FRAS1: variants seen among roughly 807,000 people sequenced by gnomAD.
The protein encoded by FRAS1 is extracellular matrix organizing protein FRAS1.
Under a neutral mutation model 435.2 loss-of-function variants are expected in FRAS1, and 290 were observed. The ratio of observed to expected loss-of-function variants is 0.67; its 90% CI spans 0.61 to 0.73. The LOEUF is 0.73. Among genes scored for constraint, FRAS1 ranks in the 30% least tolerant of loss-of-function variants. The probability of loss-of-function intolerance (pLI) is 0.00; values close to 1 mark genes in which losing one functional copy is unlikely to be tolerated. For synonymous variants in FRAS1, 1,800 were observed against 1,851.0 expected, an observed-to-expected ratio of 0.97 and a Z score of 0.71; for missense variants, 4,860 against 5,001.5, an observed-to-expected ratio of 0.97 and a Z score of 0.85.
chr4:78,118,824 T>C (rs948816996), intron 2 of FRAS1, among the ~76,000 whole-genome samples: 17 of 152,228 alleles, frequency 1.1e-4, no homozygotes, highest in African/African-American at 3.6e-4. Context: ...GCACTCACTG[T>C]CCTGCACCCA....
intron 54 of FRAS1, among the ~76,000 whole-genome samples, chr4:78,475,894 G>C (rs1401449737): frequency 6.6e-6 from 1 of 152,108 alleles, no homozygotes; most frequent in Admixed American, 6.6e-5. Context: ...TCTATATTCA[G>C]CTTTGGTATC....
chr4:78,100,790 C>T (rs1254049776), intron 2 of FRAS1, among the ~76,000 whole-genome samples: 4 of 152,076 alleles, frequency 2.6e-5, no homozygotes, highest in Admixed American at 2.6e-4. Context: ...TTACAAACAT[C>T]TTTGAGGTAT....
chr4:78,127,743 T>G (rs1719446949), intron 2 of FRAS1, among the ~76,000 whole-genome samples: 1 of 152,030 alleles, frequency 6.6e-6, no homozygotes, highest in Non-Finnish European at 1.5e-5. Flanking sequence ...TATTTATTTA[T>G]TTTTTTAATT....
At chr4:78,339,086 A>T (rs1387594182) in intron 20 of FRAS1, among the ~76,000 whole-genome samples, 1 of 152,120 alleles carries the variant, frequency 6.6e-6, no homozygotes, top group Non-Finnish European at 1.5e-5. Context: ...CAGCTGTAGG[A>T]TGTGAGTCTA....
In FRAS1 at chr4:78,377,570, A is replaced by G. The variant is rs116598257; in HGVS notation, c.3292+1691A>G. 5.0e-3 allele frequency among the ~76,000 whole-genome samples: 761 copies of G among 152,342 alleles called. 5 individuals carry two copies. The highest frequency in any genetic ancestry group is 0.018 in the African/African-American group (746 of 41,580). On this transcript the variant is annotated intron_variant, in intron 26 of 73. Coordinates refer to ENST00000512123, the MANE Select transcript of FRAS1 (RefSeq NM_025074.7). ...GTTAAGAAATCCCTTTTTGTCCATC[A>G]GATGTTTCATGTGGACAAAGATTAT...
chr4:78,312,402 CT>C (rs992665320), intron 15 of FRAS1, among the ~76,000 whole-genome samples: 1 of 151,882 alleles, frequency 6.6e-6, no homozygotes, highest in Non-Finnish European at 1.5e-5. Flanking sequence ...CACTATCAAA[CT>C]TTTTTTCATT....
chr4:78,507,119 G>A (rs1437446300), intron 61 of FRAS1, among the ~76,000 whole-genome samples: 1 of 152,204 alleles, frequency 6.6e-6, no homozygotes, highest in East Asian at 1.9e-4. Flanking sequence ...AGGGTGAAGT[G>A]TATTTTGGAT....
intron 2 of FRAS1, among the ~76,000 whole-genome samples, chr4:78,173,224 G>A (rs116191016): frequency 1.0e-3 from 158 of 152,280 alleles, no homozygotes; most frequent in African/African-American, 3.6e-3. Context: ...GGTCTTCTAG[G>A]TCTTTAAGGA....
intron 2 of FRAS1, among the ~76,000 whole-genome samples, chr4:78,222,279 G>A (rs1724090018): frequency 6.6e-6 from 1 of 152,182 alleles, no homozygotes; most frequent in South Asian, 2.1e-4. Flanking sequence ...GTTATTCAAA[G>A]TTGCTTGCTG....
chr4:78,129,216 T>G (rs542699538), intron 2 of FRAS1, among the ~76,000 whole-genome samples: 53 of 152,334 alleles, frequency 3.5e-4, no homozygotes, highest in African/African-American at 1.2e-3. Flanking sequence ...TCTTTTGGCT[T>G]AGGATTGACT....
At chr4:78,175,649 C>T (rs926820710) in intron 2 of FRAS1, among the ~76,000 whole-genome samples, 7 of 152,182 alleles carry the variant, frequency 4.6e-5, no homozygotes, top group Non-Finnish European at 8.8e-5. Flanking sequence ...GGAAGAAGAG[C>T]ATTTCTGGGA....
intron 59 of FRAS1, among the ~76,000 whole-genome samples, chr4:78,493,803 A>T (rs1170673050): frequency 6.6e-6 from 1 of 152,146 alleles, no homozygotes; most frequent in Non-Finnish European, 1.5e-5. Context: ...CTTAAAGTAT[A>T]ATAATAATAA....
chr4:78,474,459 C>T (rs1719802518), intron 53 of FRAS1, among the ~76,000 whole-genome samples: 1 of 152,118 alleles, frequency 6.6e-6, no homozygotes. Context: ...ATTTCATGTG[C>T]CCCAAATTCA....
chr4:78,108,821 T>C (rs1184187977), intron 2 of FRAS1, among the ~76,000 whole-genome samples: 3 of 124,314 alleles, frequency 2.4e-5, no homozygotes, highest in Non-Finnish European at 3.3e-5. Flanking sequence ...GCTGGTTTTT[T>C]GAAAGGATCA....
In FRAS1 at chr4:78,407,855, C is replaced by G. The variant is rs760423047; in HGVS notation, c.4308+14C>G. On this transcript the variant is annotated intron_variant, in intron 31 of 73. Transcript: ENST00000512123. ...TTCCGCTTCGAGGTACCCTCTGCTTCCTGACTTTTCTGAAGTCTGATGAAT... is the reference window on the plus strand; with the variant it reads ...TTCCGCTTCGAGGTACCCTCTGCTTGCTGACTTTTCTGAAGTCTGATGAAT... The G allele has an allele frequency of 6.4e-7, 1 of 1,574,590 alleles. No homozygotes were observed. Among genetic ancestry groups the G allele is most frequent in the Non-Finnish European group, 8.6e-7 (1 of 1,159,084 alleles).
At chr4:78,294,441 G>A (rs1728051459) in intron 14 of FRAS1, among the ~76,000 whole-genome samples, 1 of 152,190 alleles carries the variant, frequency 6.6e-6, no homozygotes, top group African/African-American at 2.4e-5. Flanking sequence ...TGAGAAGCTG[G>A]TGGTCTTGAA....
intron 34 of FRAS1, 50 bp from the exon 35 acceptor site, chr4:78,424,338 C>T (rs770938202): frequency 7.6e-6 from 8 of 1,047,774 alleles, no homozygotes; most frequent in African/African-American, 3.3e-5. Flanking sequence ...TCCTATCTCT[C>T]TCTGATCCCA....
intron 4 of FRAS1, among the ~76,000 whole-genome samples, chr4:78,248,566 C>T (rs72864517): frequency 0.01 from 1,584 of 152,206 alleles, 16 homozygotes; most frequent in African/African-American, 0.036. Flanking sequence ...AAAAGGATAA[C>T]TAATTTATGT....
intron 13 of FRAS1, 164 bp from the exon 14 acceptor site, chr4:78,286,241 G>T (rs1273080430): frequency 1.3e-6 from 1 of 777,478 alleles, no homozygotes; most frequent in Non-Finnish European, 2.3e-6. Flanking sequence ...TGGCTGACAT[G>T]AACTGTGTGC....
Sources: allele counts gnomAD v4.1 joint callset (sites outside exome capture counted in the v4.1 genomes callset), GRCh38; gene constraint gnomAD v4.1.1; transcripts MANE v1.5; gene names NCBI Gene and HGNC (gene_info 2026-07-23, HGNC 2026-07-21).